Variants in JAKMIP2 observed in about 807,000 individuals in gnomAD.
JAKMIP2 encodes the protein janus kinase and microtubule interacting protein 2.
A neutral mutation model predicts 115.0 loss-of-function variants in JAKMIP2; 25 were observed. That is an observed-to-expected ratio of 0.22 (90% CI 0.16 to 0.30). The LOEUF is 0.30. JAKMIP2 is among the 10% of genes least tolerant of loss of function. The probability of loss-of-function intolerance (pLI) is 1.00; values close to 1 mark genes in which losing one functional copy is unlikely to be tolerated. For missense variants in JAKMIP2, 642 were observed against 957.6 expected, an observed-to-expected ratio of 0.67 and a Z score of 4.35; for synonymous variants, 334 against 343.6, an observed-to-expected ratio of 0.97 and a Z score of 0.31.
chr5:147,640,582 A>G (rs999629222), intron 9 of JAKMIP2, 122 bp downstream of exon 9: 6 of 995,904 alleles, frequency 6.0e-6, no homozygotes, highest in Admixed American at 2.4e-5. Context: ...ATTGTTTACT[A>G]TTATGAGATC....
intron 1 of JAKMIP2, among the ~76,000 whole-genome samples, chr5:147,679,571 T>C (rs912608523): frequency 6.6e-6 from 1 of 152,202 alleles, no homozygotes; most frequent in Non-Finnish European, 1.5e-5. Flanking sequence ...AAGGATGGCA[T>C]TGAGCTGAGC....
At chr5:147,770,228 G>A (rs1285824623) in intron 1 of JAKMIP2, among the ~76,000 whole-genome samples, 1 of 151,486 alleles carries the variant, frequency 6.6e-6, no homozygotes, top group African/African-American at 2.4e-5. Context: ...TCCACATTTG[G>A]GATAGGTCAC....
chr5:147,739,894 C>G (rs190181961), intron 1 of JAKMIP2, among the ~76,000 whole-genome samples: 48 of 152,280 alleles, frequency 3.2e-4, no homozygotes, highest in African/African-American at 1.1e-3. Context: ...AAGTCACAGC[C>G]CCTGCCCATT....
At chr5:147,607,251 C>T (rs111403931) in intron 20 of JAKMIP2, among the ~76,000 whole-genome samples, 19,466 of 152,116 alleles carry the variant, frequency 0.13, 1,471 homozygotes, top group South Asian at 0.27. Flanking sequence ...TGTTTTGTGC[C>T]GGTTTTCAAA....
chr5:147,640,583 T>C, intron 9 of JAKMIP2, 121 bp downstream of exon 9: 4 of 1,013,438 alleles, frequency 3.9e-6, no homozygotes, highest in Non-Finnish European at 4.3e-6. Context: ...TTGTTTACTA[T>C]TATGAGATCA....
intron 1 of JAKMIP2, among the ~76,000 whole-genome samples, chr5:147,678,792 T>C (rs1008768978): frequency 5.3e-5 from 8 of 152,050 alleles, no homozygotes; most frequent in African/African-American, 1.9e-4. Context: ...TTCATTTATG[T>C]ATATACCTAC....
chr5:147,640,962 A>G (rs980325540), intron 8 of JAKMIP2, 139 bp from the exon 9 acceptor site: 1 of 657,426 alleles, frequency 1.5e-6, no homozygotes, highest in South Asian at 2.4e-5. Context: ...AAATAAAAAC[A>G]TTAGGCATGA....
intron 20 of JAKMIP2, among the ~76,000 whole-genome samples, chr5:147,602,383 A>T (rs1386184415): frequency 6.6e-6 from 1 of 152,186 alleles, no homozygotes; most frequent in East Asian, 1.9e-4. Flanking sequence ...CACTGTTAAT[A>T]ATTACATTGG....
intron 20 of JAKMIP2, among the ~76,000 whole-genome samples, chr5:147,608,275 A>G (rs183773564): frequency 6.6e-6 from 1 of 152,140 alleles, no homozygotes; most frequent in East Asian, 1.9e-4. Context: ...TAGGGTGGTG[A>G]TTTTAGATCT....
intron 21 of JAKMIP2, among the ~76,000 whole-genome samples, chr5:147,593,610 T>G (rs1167496245): frequency 1.3e-5 from 2 of 152,182 alleles, no homozygotes; most frequent in Non-Finnish European, 2.9e-5. Context: ...AAACAGAGTC[T>G]GAAATTGAAC....
intron 1 of JAKMIP2, among the ~76,000 whole-genome samples, chr5:147,709,335 T>C (rs1029931247): frequency 2.0e-5 from 3 of 152,186 alleles, no homozygotes; most frequent in Non-Finnish European, 1.5e-5. Flanking sequence ...CTTAGAAATA[T>C]TTATGTGGAC....
intron 3 of JAKMIP2, among the ~76,000 whole-genome samples, chr5:147,656,423 C>T (rs1185341430): frequency 6.6e-6 from 1 of 152,148 alleles, no homozygotes; most frequent in East Asian, 1.9e-4. Flanking sequence ...TTGAATTGAT[C>T]CCTTTACCAT....
chr5:147,702,353 A>G (rs1351046130), intron 1 of JAKMIP2, among the ~76,000 whole-genome samples: 1 of 149,948 alleles, frequency 6.7e-6, no homozygotes, highest in Admixed American at 6.7e-5. Flanking sequence ...TACAATGTAC[A>G]TTGCTTGGGT....
intron 1 of JAKMIP2, among the ~76,000 whole-genome samples, chr5:147,706,778 A>G (rs1321097419): frequency 1.3e-5 from 2 of 152,128 alleles, no homozygotes; most frequent in Non-Finnish European, 2.9e-5. Flanking sequence ...AATATACTGC[A>G]AATACAGTGT....
chr5:147,612,122 A>G, intron 20 of JAKMIP2, 184 bp downstream of exon 20: 1 of 733,870 alleles, frequency 1.4e-6, no homozygotes. Context: ...AGGCTGGGTT[A>G]CTGATGGCAG....
intron 20 of JAKMIP2, among the ~76,000 whole-genome samples, chr5:147,608,796 C>T (rs10075144): frequency 0.95 from 145,367 of 152,242 alleles, 69,754 homozygotes; most frequent in East Asian, 1. Context: ...CCACTATTAA[C>T]GTGTGTGAGT....
chr5:147,742,369 G>A lies in JAKMIP2; in HGVS notation c.-149+40087C>T, dbSNP rs536866343. 4.6e-5 allele frequency among the ~76,000 whole-genome samples: 7 copies of A among 151,884 alleles called. No homozygotes were observed. The East Asian group carries it at 1.4e-3, about 30-fold the overall frequency. ...TTCTGCTCTGTTTATAAGTCAACTC[G>A]TTGGGCTCTTCTGTGGCAAGGAGCA... On this transcript the variant is annotated intron_variant, in intron 1 of 21. Transcript: ENST00000616793.
chr5:147,688,532 TA>T (rs1760679734), intron 1 of JAKMIP2, among the ~76,000 whole-genome samples: 1 of 152,222 alleles, frequency 6.6e-6, no homozygotes, highest in African/African-American at 2.4e-5. Flanking sequence ...CAACTAATAA[TA>T]ATAAATAATA....
chr5:147,731,051 A>G (rs1406377448), intron 1 of JAKMIP2, among the ~76,000 whole-genome samples: 3 of 152,170 alleles, frequency 2.0e-5, no homozygotes, highest in African/African-American at 7.2e-5. Flanking sequence ...AATTGAGGCC[A>G]AGTTGTTAGA....
Sources: gnomAD v4.1 joint callset for allele counts (sites outside exome capture counted in the v4.1 genomes callset) on GRCh38, gnomAD v4.1.1 for gene constraint, MANE v1.5 for transcripts, NCBI Gene and HGNC (gene_info 2026-07-23, HGNC 2026-07-21) for gene names.